Variants in PLEKHM2 observed in about 807,000 individuals in gnomAD.
PLEKHM2 encodes the protein pleckstrin homology domain-containing family M member 2.
Under a neutral mutation model 116.3 loss-of-function variants are expected in PLEKHM2, and 77 were observed. The observed-to-expected ratio is 0.66, with a 90% CI of 0.55 to 0.80. The LOEUF is 0.80. Among genes scored for constraint, PLEKHM2 ranks in the 30% least tolerant of loss-of-function variants. The pLI is 0.00. For synonymous variants in PLEKHM2, 562 were observed against 571.0 expected (o/e 0.98, Z 0.22); for missense variants, 1,183 against 1,354.9 (o/e 0.87, Z 1.99).
At chr1:15,704,731 C>T (rs998245071) in intron 1 of PLEKHM2, among the ~76,000 whole-genome samples, 3 of 152,222 alleles carry the variant, frequency 2.0e-5, no homozygotes, top group African/African-American at 7.2e-5. Flanking sequence ...GTGCTTTCCT[C>T]ATGGTCCCAG....
chr1:15,704,810 C>T (rs959398946), intron 1 of PLEKHM2, among the ~76,000 whole-genome samples: 2 of 152,230 alleles, frequency 1.3e-5, no homozygotes, highest in Non-Finnish European at 2.9e-5. Context: ...GGAAACTTTC[C>T]TCACTGGGCT....
chr1:15,699,440 G>A (rs566656209), intron 1 of PLEKHM2, among the ~76,000 whole-genome samples: 130 of 152,258 alleles, frequency 8.5e-4, no homozygotes, highest in African/African-American at 2.9e-3. Context: ...AGAACATGCA[G>A]TGTTTGGTTT....
At chr1:15,705,207 TCTCA>T (rs1641201698) in intron 1 of PLEKHM2, among the ~76,000 whole-genome samples, 1 of 120,912 alleles carries the variant, frequency 8.3e-6, no homozygotes, top group Non-Finnish European at 1.6e-5. Flanking sequence ...TGAGATGGGG[TCTCA>T]CTCTATCACC....
intron 1 of PLEKHM2, among the ~76,000 whole-genome samples, chr1:15,685,638 A>C (rs1419457468): frequency 1.3e-5 from 2 of 152,094 alleles, no homozygotes; most frequent in Non-Finnish European, 2.9e-5. Context: ...AAGAAGCAAA[A>C]TGGATAGAAT....
intron 8 of PLEKHM2, 135 bp downstream of exon 8, chr1:15,725,680 A>G (rs2068055217): frequency 3.1e-6 from 2 of 645,172 alleles, no homozygotes; most frequent in Non-Finnish European, 5.4e-6. Context: ...AACCCTTCCC[A>G]CCTCTAGGAG....
rs745574039 is a variant in PLEKHM2 at position 15,684,502 on chromosome 1, C to CGGCGGCGG, written c.-48_-41dup. The CGGCGGCGG allele has an allele frequency of 1.1e-6, 1 of 927,100 alleles. No individual in the cohort carries two copies. The highest frequency in any genetic ancestry group is 1.3e-6 in the Non-Finnish European group (1 of 789,808). The allele number at this position is 927,100 out of a possible 1,614,324, so 57.4% of individuals were successfully genotyped here. ...GGCCCCCGGCCCCCGGCGCGGGAAG[C>CGGCGGCGG]GGCGGCGGGGCGGCGGCGGCGGTGG... On this transcript the variant is annotated 5_prime_UTR_variant, in exon 1 of 20. Transcript: ENST00000375799.
In PLEKHM2 at chr1:15,721,519, G is replaced by A. The variant is rs943343359; in HGVS notation, c.712+131G>A. ...TAATCATAATAAAGCCAAGTTTGGT[G>A]TTCTAATAGATGGAATTCTGCAGTG... On this transcript the variant is annotated intron_variant, in intron 7 of 19. Coordinates refer to ENST00000375799, the MANE Select transcript of PLEKHM2 (RefSeq NM_015164.4). The surrounding 1 kb of genome is among the most constrained non-coding windows in gnomAD (Gnocchi z 5.1). 4.6e-5 allele frequency: 28 copies of A among 603,192 alleles called. No homozygotes were observed. Among genetic ancestry groups the A allele is most frequent in the African/African-American group, 9.4e-5 (5 of 53,352 alleles). The allele number at this position is 603,192 out of a possible 1,614,324, so 37.4% of individuals were successfully genotyped here. A position where few individuals can be genotyped will look rare whatever the true frequency, so the allele number is the denominator to read the frequency against.
At chr1:15,682,431 A>G (rs545658926), upstream of PLEKHM2, among the ~76,000 whole-genome samples, 1 of 149,498 alleles carries the variant, frequency 6.7e-6, no homozygotes, top group Non-Finnish European at 1.5e-5. Flanking sequence ...GGCCTGGGTG[A>G]CAGAGCGAGA....
chr1:15,691,008 G>T (rs1000586780), intron 1 of PLEKHM2, among the ~76,000 whole-genome samples: 1 of 152,198 alleles, frequency 6.6e-6, no homozygotes, highest in African/African-American at 2.4e-5. Context: ...ATTCCCTAAG[G>T]CAATGACATT....
intron 1 of PLEKHM2, among the ~76,000 whole-genome samples, chr1:15,686,639 C>G (rs1205049988): frequency 2.8e-5 from 4 of 142,314 alleles, no homozygotes; most frequent in Non-Finnish European, 6.0e-5. Context: ...CGCCACCACA[C>G]CCGGCTAAAT....
chr1:15,728,338 T>C lies in PLEKHM2; in HGVS notation c.1902T>C (p.Tyr634=). The C allele has an allele frequency of 1.2e-6, 2 of 1,613,012 alleles. No homozygotes were observed. The highest frequency in any genetic ancestry group is 1.7e-6 in the Non-Finnish European group (2 of 1,179,784). The part of the protein sequence containing the change: ...QLLYVLLTDC[Y]VYLLRKGATE... Reference sequence around the variant, plus strand: ...TGTACGTGCTGCTCACAGACTGCTATGTCTACCTGCTCCGGAAAGGTGCCC... The same window carrying C: ...TGTACGTGCTGCTCACAGACTGCTACGTCTACCTGCTCCGGAAAGGTGCCC... Residue 634 remains tyrosine, a synonymous_variant, in exon 11 of 20, where the codon TAT becomes TAC. Transcript: ENST00000375799. This position sits in a 1 kb window ranked among gnomAD's most constrained non-coding sequence, Gnocchi z 5.9.
Position 15,731,210 on chromosome 1 carries a change from G to T in PLEKHM2, c.2418G>T (p.Gln806His). The part of the protein sequence containing the change: ...FVVLSNGILY[Q>H]YPDRTDVIPL... The stretch of plus-strand genomic sequence containing the variant: ...CCTGCAGCAACGGGATCCTCTACCA[G>T]TACCCGGACCGCACCGACGTCATCC... Residue 806 changes from glutamine (Q) to histidine (H), a missense_variant, in exon 16 of 20, where the codon CAG becomes CAT. Gln to His is a conservative substitution (Grantham distance 24, BLOSUM62 0). Transcript: ENST00000375799. The T allele has an allele frequency of 6.3e-7, 1 of 1,599,108 alleles. No homozygotes were observed.
At chr1:15,695,447 G>C (rs1557641711) in intron 1 of PLEKHM2, among the ~76,000 whole-genome samples, 1 of 152,178 alleles carries the variant, frequency 6.6e-6, no homozygotes, top group South Asian at 2.1e-4. Flanking sequence ...TTACATGCCA[G>C]GCCCTACAGT....
chr1:15,697,412 G>T (rs370044883), intron 1 of PLEKHM2, among the ~76,000 whole-genome samples: 1 of 152,170 alleles, frequency 6.6e-6, no homozygotes, highest in African/African-American at 2.4e-5. Flanking sequence ...GTCAATCCCT[G>T]TGCTGAGTTC....
At chr1:15,699,774 A>G (rs1641073314) in intron 1 of PLEKHM2, among the ~76,000 whole-genome samples, 1 of 152,110 alleles carries the variant, frequency 6.6e-6, no homozygotes, top group East Asian at 1.9e-4. Flanking sequence ...GGCCTGGGCA[A>G]TATAGTGAGA....
chr1:15,709,839 T>A (rs1384431242), intron 1 of PLEKHM2, among the ~76,000 whole-genome samples: 4 of 152,116 alleles, frequency 2.6e-5, no homozygotes, highest in Non-Finnish European at 5.9e-5. Flanking sequence ...ACAGAAGACC[T>A]GAATAAATGG....
intron 1 of PLEKHM2, among the ~76,000 whole-genome samples, chr1:15,701,057 G>A (rs1641098886): frequency 6.9e-6 from 1 of 144,324 alleles, no homozygotes; most frequent in Non-Finnish European, 1.5e-5. Context: ...AGGTTGCAGT[G>A]AGCCGAGATC....
intron 1 of PLEKHM2, among the ~76,000 whole-genome samples, chr1:15,685,292 A>G (rs989117641): frequency 2.0e-5 from 3 of 152,250 alleles, no homozygotes; most frequent in Admixed American, 6.5e-5. Flanking sequence ...AGAAATGAGT[A>G]CATACCTGTC....
In PLEKHM2 at chr1:15,702,706, C is replaced by T. The variant is rs188121567; in HGVS notation, c.61-13531C>T. On this transcript the variant is annotated intron_variant, in intron 1 of 19. Transcript: ENST00000375799. ...GTGCTGGGATTACAGGCATAAGCCA[C>T]CGTGCCCAGCCTTTTTTTTTTTTTT... Among the ~76,000 whole-genome samples, 48 of 148,904 alleles carry T rather than the reference C, an allele frequency of 3.2e-4. No individual in the cohort carries two copies. In the East Asian group the frequency reaches 9.1e-3, roughly 28 times the overall value.
Sources: gnomAD v4.1 joint callset for allele counts (sites outside exome capture counted in the v4.1 genomes callset) on GRCh38, gnomAD v4.1.1 for gene constraint, Gnocchi (gnomAD v3.1) non-coding constraint, MANE v1.5 for transcripts, NCBI Gene and HGNC (gene_info 2026-07-23, HGNC 2026-07-21) for gene names.